CHCHD6: variants seen among roughly 807,000 people sequenced by gnomAD.
CHCHD6 encodes coiled-coil-helix-coiled-coil-helix domain containing 6.
CHCHD6 carries 28 observed loss-of-function variants against 32.3 expected under a neutral mutation model. The observed-to-expected ratio is 0.87, with a 90% CI of 0.64 to 1.19. CHCHD6 has a LOEUF of 1.19. Ranked by LOEUF, CHCHD6 falls within the 50% of genes most tolerant of loss-of-function variation. The pLI, the probability that CHCHD6 is intolerant of heterozygous loss-of-function variation, is 0.00. For synonymous variants in CHCHD6, 122 were observed against 117.5 expected, an observed-to-expected ratio of 1.04 and a Z score of -0.25; for missense variants, 333 against 307.0, an observed-to-expected ratio of 1.08 and a Z score of -0.63.
chr3:126,726,121 CTAAGCT>C (rs2107656298), intron 1 of CHCHD6, among the ~76,000 whole-genome samples: 1 of 152,332 alleles, frequency 6.6e-6, no homozygotes, highest in Non-Finnish European at 1.5e-5. Flanking sequence ...GCCTTCCTCA[CTAAGCT>C]TAATCATTTG....
At chr3:126,750,098 C>T (rs1371354387) in intron 4 of CHCHD6, among the ~76,000 whole-genome samples, 2 of 152,182 alleles carry the variant, frequency 1.3e-5, no homozygotes. Context: ...TCTCTCCATA[C>T]CTGGGCTTGA....
intron 5 of CHCHD6, among the ~76,000 whole-genome samples, chr3:126,913,427 G>T (rs2078124826): frequency 6.6e-6 from 1 of 151,610 alleles, no homozygotes; most frequent in South Asian, 2.1e-4. Context: ...TAGAGATGGG[G>T]TTTTGCCATT....
intron 6 of CHCHD6, among the ~76,000 whole-genome samples, chr3:126,931,669 A>T (rs1259647184): frequency 6.6e-6 from 1 of 152,168 alleles, no homozygotes; most frequent in Non-Finnish European, 1.5e-5. Flanking sequence ...CCCTTGACAT[A>T]CATACCTCCC....
intron 4 of CHCHD6, among the ~76,000 whole-genome samples, chr3:126,819,124 G>A (rs1420766592): frequency 1.3e-5 from 2 of 152,158 alleles, no homozygotes; most frequent in African/African-American, 4.8e-5. Context: ...CTAAACTCCT[G>A]CCACACTGCT....
intron 6 of CHCHD6, among the ~76,000 whole-genome samples, chr3:126,938,935 G>A (rs2078520828): frequency 6.6e-6 from 1 of 152,176 alleles, no homozygotes; most frequent in African/African-American, 2.4e-5. Flanking sequence ...TTTGCTATTT[G>A]GTACTCTTTT....
At chr3:126,801,563 T>G (rs978766939) in intron 4 of CHCHD6, among the ~76,000 whole-genome samples, 15 of 152,202 alleles carry the variant, frequency 9.9e-5, no homozygotes, top group Non-Finnish European at 2.1e-4. Flanking sequence ...GCCAGGAACC[T>G]CCAGCTGGGT....
chr3:126,898,335 C>T (rs183014186), intron 5 of CHCHD6, among the ~76,000 whole-genome samples: 6 of 152,324 alleles, frequency 3.9e-5, no homozygotes, highest in African/African-American at 7.2e-5. Flanking sequence ...GGAATAGACA[C>T]GGTTACTTAT....
chr3:126,747,151 C>A (rs192364469), intron 4 of CHCHD6, among the ~76,000 whole-genome samples: 3 of 152,290 alleles, frequency 2.0e-5, no homozygotes, highest in East Asian at 3.9e-4. Context: ...CTCTTCATCT[C>A]GTCTCCTTTC....
intron 4 of CHCHD6, chr3:126,766,718 G>A (rs1281940197): frequency 1.7e-6 from 2 of 1,156,732 alleles, no homozygotes; most frequent in African/African-American, 3.0e-5. Context: ...CAGCCACAGA[G>A]GTCCTGCACT....
At chr3:126,766,730 CT>C in intron 4 of CHCHD6, 1 of 1,165,962 alleles carries the variant, frequency 8.6e-7, no homozygotes, top group Non-Finnish European at 1.3e-6. Context: ...TCCTGCACTG[CT>C]TTTGGGTATG....
chr3:126,787,287 A>G (rs1938264925), intron 4 of CHCHD6, among the ~76,000 whole-genome samples: 1 of 152,218 alleles, frequency 6.6e-6, no homozygotes, highest in African/African-American at 2.4e-5. Context: ...CTTTTGGCTT[A>G]GGATTGACTT....
At chr3:126,911,132 C>T (rs751820831) in intron 5 of CHCHD6, among the ~76,000 whole-genome samples, 96 of 152,200 alleles carry the variant, frequency 6.3e-4, no homozygotes, top group Non-Finnish European at 1.1e-3. Flanking sequence ...ATGGTTTCTG[C>T]CAGGCTGTCC....
intron 6 of CHCHD6, among the ~76,000 whole-genome samples, chr3:126,931,329 C>T (rs1489895143): frequency 6.6e-6 from 1 of 152,188 alleles, no homozygotes; most frequent in African/African-American, 2.4e-5. Flanking sequence ...AGGTGGAATT[C>T]GCAGCAGGCC....
intron 6 of CHCHD6, among the ~76,000 whole-genome samples, chr3:126,926,002 C>G (rs2078319052): frequency 1.3e-5 from 2 of 152,340 alleles, no homozygotes; most frequent in East Asian, 3.9e-4. Flanking sequence ...CCTGGAGGCC[C>G]TTGCCTCCGC....
intron 4 of CHCHD6, among the ~76,000 whole-genome samples, chr3:126,788,548 T>A (rs1216794513): frequency 6.6e-6 from 1 of 152,206 alleles, no homozygotes; most frequent in East Asian, 1.9e-4. Flanking sequence ...CCTGGTTTAG[T>A]CTTGGGAGGG....
intron 4 of CHCHD6, among the ~76,000 whole-genome samples, chr3:126,764,153 A>G (rs1246761748): frequency 6.7e-6 from 1 of 148,416 alleles, no homozygotes; most frequent in Admixed American, 6.8e-5. Flanking sequence ...ACTCTAAGAA[A>G]TATATATATA....
rs569826706 is a variant in CHCHD6 at position 126,936,864 on chromosome 3, T to A, written c.567-20552T>A. Among the ~76,000 whole-genome samples, 10 of 152,396 alleles carry A rather than the reference T, an allele frequency of 6.6e-5. No individual in the cohort carries two copies. The South Asian group carries it at 2.1e-3, about 32-fold the overall frequency. ...GCCCCTGCACCTGGCCTCTTTTTAC[T>A]TTTAATGTGGCTGCTAGAAAACTGA... On this transcript the variant is annotated intron_variant, in intron 6 of 7. Transcript: ENST00000290913.
Position 126,936,928 on chromosome 3 carries a change from A to G in CHCHD6, c.567-20488A>G, listed in dbSNP as rs1399586852. On this transcript the variant is annotated intron_variant, in intron 6 of 7. Coordinates refer to ENST00000290913, the MANE Select transcript of CHCHD6 (RefSeq NM_032343.3). ...GGCTTGCAGTCTTTTTCTGTTGGAC[A>G]GAACTATTGGTCCCTTCCCTCCTTC... is the stretch of plus-strand genomic sequence containing the variant. Among the ~76,000 whole-genome samples the G allele has an allele frequency of 2.6e-5, 4 of 152,320 alleles. No individual in the cohort carries two copies. The East Asian group carries it at 7.7e-4, about 29-fold the overall frequency.
chr3:126,951,520 G>A (rs952524580), intron 6 of CHCHD6, among the ~76,000 whole-genome samples: 2 of 152,190 alleles, frequency 1.3e-5, no homozygotes, highest in Non-Finnish European at 2.9e-5. Flanking sequence ...TGGATGGAAG[G>A]GAAGGTTGTA....
Sources: allele counts gnomAD v4.1 joint callset (sites outside exome capture counted in the v4.1 genomes callset), GRCh38; gene constraint gnomAD v4.1.1; transcripts MANE v1.5; gene names NCBI Gene and HGNC (gene_info 2026-07-23, HGNC 2026-07-21).